Variants in SOX5 observed in about 807,000 individuals in gnomAD.
SOX5 encodes SRY-box transcription factor 5, also known as transcription factor SOX-5.
Under a neutral mutation model 92.0 loss-of-function variants are expected in SOX5, and 9 were observed. The observed-to-expected ratio is 0.10, with a 90% CI of 0.06 to 0.17. The LOEUF is 0.17. Among genes scored for constraint, SOX5 ranks in the 10% least tolerant of loss-of-function variants. The pLI is 1.00. For missense variants in SOX5, 642 were observed against 944.5 expected (o/e 0.68, Z 4.20); for synonymous variants, 344 against 336.3 (o/e 1.02, Z -0.25).
At chr12:24,524,939 G>C (rs576658860) in intron 1 of SOX5, among the ~76,000 whole-genome samples, 2 of 152,296 alleles carry the variant, frequency 1.3e-5, no homozygotes, top group African/African-American at 4.8e-5. Flanking sequence ...ACTCCACTCT[G>C]AGTGACACAA....
intron 4 of SOX5, among the ~76,000 whole-genome samples, chr12:24,018,943 T>C (rs924733465): frequency 5.3e-5 from 8 of 152,182 alleles, no homozygotes; most frequent in African/African-American, 1.9e-4. Context: ...ATTTAAAAAT[T>C]AGCAAACACA....
intron 3 of SOX5, among the ~76,000 whole-genome samples, chr12:24,255,436 G>T (rs1940987065): frequency 6.6e-6 from 1 of 152,146 alleles, no homozygotes; most frequent in African/African-American, 2.4e-5. Flanking sequence ...AAACCTTTAA[G>T]TACTACTCTA....
rs1375437943 is a variant in SOX5 at position 24,095,122 on chromosome 12, C to CAGAG, written c.-2+118220_-2+118221insCTCT. On this transcript the variant is annotated intron_variant, in intron 4 of 4. Coordinates refer to the SOX5 transcript ENST00000446891. ...ACACACACACACACACACACACACA[C>CAGAG]ACACACAGAGAGAGAGAGAGAGAGA... 2.9e-3 allele frequency among the ~76,000 whole-genome samples: 276 copies of CAGAG among 93,932 alleles called. 1 individual carries two copies. Among genetic ancestry groups the CAGAG allele is most frequent in the East Asian group, 0.013 (38 of 2,872 alleles). 61.6% of individuals were successfully genotyped at this position (93,932 alleles called of 152,430 possible). A position where few individuals can be genotyped will look rare whatever the true frequency, so the allele number is the denominator to read the frequency against.
intron 1 of SOX5, among the ~76,000 whole-genome samples, chr12:24,406,347 C>T (rs1340755582): frequency 6.6e-6 from 1 of 152,200 alleles, no homozygotes; most frequent in Admixed American, 6.5e-5. Context: ...ATCGGAGGGG[C>T]CATGAAAGTC....
intron 6 of SOX5, among the ~76,000 whole-genome samples, chr12:23,669,797 T>C (rs1332020856): frequency 6.6e-6 from 1 of 152,184 alleles, no homozygotes; most frequent in African/African-American, 2.4e-5. Flanking sequence ...ATAATTTTCA[T>C]GCAAAAGTGA....
chr12:24,348,893 GC>G (rs1180349717), intron 2 of SOX5, among the ~76,000 whole-genome samples: 1 of 152,108 alleles, frequency 6.6e-6, no homozygotes, highest in Non-Finnish European at 1.5e-5. Flanking sequence ...ATGCTCTCTT[GC>G]CTGCTGCCAT....
chr12:23,629,172 G>A (rs1215095710), intron 8 of SOX5, among the ~76,000 whole-genome samples: 1 of 151,920 alleles, frequency 6.6e-6, no homozygotes, highest in African/African-American at 2.4e-5. Context: ...CACAATCACT[G>A]AACTCAGCAA....
chr12:23,939,513 T>C (rs2139481471), intron 1 of SOX5, among the ~76,000 whole-genome samples: 1 of 151,184 alleles, frequency 6.6e-6, no homozygotes, highest in Admixed American at 6.6e-5. Context: ...AATTTTAACA[T>C]AGCAAATTCC....
chr12:24,447,606 G>A (rs568583368), intron 1 of SOX5, among the ~76,000 whole-genome samples: 56 of 152,258 alleles, frequency 3.7e-4, no homozygotes, highest in Non-Finnish European at 7.2e-4. Context: ...CATTTGTTGT[G>A]CCAAACAAAC....
intron 4 of SOX5, among the ~76,000 whole-genome samples, chr12:24,052,744 C>A (rs1270771237): frequency 6.6e-6 from 1 of 152,198 alleles, no homozygotes; most frequent in Non-Finnish European, 1.5e-5. Flanking sequence ...CCAGATGCTA[C>A]ATAAATGAAA....
intron 3 of SOX5, among the ~76,000 whole-genome samples, chr12:24,272,314 G>C (rs879674944): frequency 2.6e-5 from 4 of 151,910 alleles, no homozygotes; most frequent in Non-Finnish European, 5.9e-5. Flanking sequence ...CTCATATCGT[G>C]TGCCAATAAC....
At chr12:24,025,242 A>T (rs1954753071) in intron 4 of SOX5, among the ~76,000 whole-genome samples, 1 of 152,022 alleles carries the variant, frequency 6.6e-6, no homozygotes, top group Admixed American at 6.6e-5. Flanking sequence ...TGAGAAATGG[A>T]AAGATGGAAA....
At chr12:24,494,739 C>G (rs533644519) in intron 1 of SOX5, among the ~76,000 whole-genome samples, 3 of 151,932 alleles carry the variant, frequency 2.0e-5, no homozygotes, top group East Asian at 3.9e-4. Flanking sequence ...CCCCTTAAAA[C>G]GAACTACTAA....
At chr12:24,051,175 A>G (rs1957527344) in intron 4 of SOX5, among the ~76,000 whole-genome samples, 1 of 152,180 alleles carries the variant, frequency 6.6e-6, no homozygotes, top group Non-Finnish European at 1.5e-5. Context: ...AACCAAATTC[A>G]AGGCACAGGT....
intron 3 of SOX5, among the ~76,000 whole-genome samples, chr12:23,794,001 G>T (rs1394732831): frequency 6.6e-6 from 1 of 152,084 alleles, no homozygotes; most frequent in East Asian, 1.9e-4. Context: ...TTTTGTTACA[G>T]ATAAACCTAC....
intron 4 of SOX5, among the ~76,000 whole-genome samples, chr12:24,065,076 A>T (rs945190527): frequency 6.6e-6 from 1 of 152,212 alleles, no homozygotes; most frequent in Non-Finnish European, 1.5e-5. Context: ...GAAGAATGGC[A>T]CTGTGCTCCA....
chr12:24,346,033 A>C (rs951691317), intron 2 of SOX5, among the ~76,000 whole-genome samples: 1 of 152,208 alleles, frequency 6.6e-6, no homozygotes, highest in Non-Finnish European at 1.5e-5. Context: ...ATCCAAATAC[A>C]CTTATACTTC....
intron 4 of SOX5, among the ~76,000 whole-genome samples, chr12:23,959,514 C>T (rs974979441): frequency 2.6e-5 from 4 of 151,864 alleles, no homozygotes; most frequent in South Asian, 2.1e-4. Context: ...GTCTTACTAA[C>T]AATGGATCAA....
At chr12:23,958,668 A>G (rs1168320580) in intron 4 of SOX5, among the ~76,000 whole-genome samples, 1 of 151,966 alleles carries the variant, frequency 6.6e-6, no homozygotes, top group East Asian at 1.9e-4. Context: ...GCCTATCTAA[A>G]ATATACAATA....
Sources: allele counts gnomAD v4.1 joint callset (sites outside exome capture counted in the v4.1 genomes callset), GRCh38; gene constraint gnomAD v4.1.1; transcripts MANE v1.5; gene names NCBI Gene and HGNC (gene_info 2026-07-23, HGNC 2026-07-21).